Variants in TRERF1 observed in about 807,000 individuals in gnomAD.
TRERF1 encodes the protein transcriptional-regulating factor 1.
A neutral mutation model predicts 122.9 loss-of-function variants in TRERF1; 27 were observed. That is an observed-to-expected ratio of 0.22 (90% confidence interval 0.16 to 0.30). The LOEUF is 0.30. Among genes scored for constraint, TRERF1 ranks in the 10% least tolerant of loss-of-function variants. The probability of loss-of-function intolerance (pLI) is 1.00; values close to 1 mark genes in which losing one functional copy is unlikely to be tolerated. For missense variants in TRERF1, 1,248 were observed against 1,560.3 expected, an observed-to-expected ratio of 0.80 and a Z score of 3.37; for synonymous variants, 636 against 641.7, an observed-to-expected ratio of 0.99 and a Z score of 0.13.
intron 2 of TRERF1, among the ~76,000 whole-genome samples, chr6:42,370,953 G>A (rs866342380): frequency 2.0e-5 from 3 of 152,078 alleles, no homozygotes; most frequent in African/African-American, 7.2e-5. Context: ...TGCTCCCCAA[G>A]GCTTTCTGAG....
chr6:42,357,428 C>CA (rs1392060589), intron 3 of TRERF1, among the ~76,000 whole-genome samples: 7 of 151,286 alleles, frequency 4.6e-5, no homozygotes, highest in Admixed American at 6.6e-5. Flanking sequence ...TAGAAGGACT[C>CA]AAACGGTAAC....
intron 2 of TRERF1, among the ~76,000 whole-genome samples, chr6:42,412,536 A>G (rs1407474542): frequency 6.6e-6 from 1 of 152,232 alleles, no homozygotes; most frequent in Non-Finnish European, 1.5e-5. Context: ...TCTGAAGAGA[A>G]AGTCCATGGC....
chr6:42,282,774 T>G (rs901140701), intron 4 of TRERF1, among the ~76,000 whole-genome samples: 2 of 152,192 alleles, frequency 1.3e-5, no homozygotes, highest in African/African-American at 4.8e-5. Context: ...GGTAGTTACA[T>G]CCTATAAAGT....
At chr6:42,306,695 T>A (rs551505239) in intron 3 of TRERF1, among the ~76,000 whole-genome samples, 1 of 152,352 alleles carries the variant, frequency 6.6e-6, no homozygotes, top group East Asian at 1.9e-4. Flanking sequence ...GGATGCCCTT[T>A]TCCCAGCTCT....
At chr6:42,243,694 C>T (rs879903595) in intron 14 of TRERF1, among the ~76,000 whole-genome samples, 7 of 151,638 alleles carry the variant, frequency 4.6e-5, no homozygotes, top group Non-Finnish European at 8.8e-5. Context: ...CATTCTCCTG[C>T]CTCAGCCTCC....
At chr6:42,421,498 G>A (rs1336798763) in intron 2 of TRERF1, among the ~76,000 whole-genome samples, 2 of 151,938 alleles carry the variant, frequency 1.3e-5, no homozygotes, top group African/African-American at 2.4e-5. Context: ...TCTTGGCTGG[G>A]CACAGTGGCT....
At chr6:42,288,138 C>T (rs554134916) in intron 4 of TRERF1, among the ~76,000 whole-genome samples, 1 of 152,232 alleles carries the variant, frequency 6.6e-6, no homozygotes, top group South Asian at 2.1e-4. Flanking sequence ...TTATTGCATG[C>T]TCACTCTATA....
intron 2 of TRERF1, among the ~76,000 whole-genome samples, chr6:42,412,093 C>T (rs576718843): frequency 2.6e-5 from 4 of 151,536 alleles, no homozygotes; most frequent in East Asian, 3.9e-4. Context: ...CTCCGCCTCC[C>T]GGGTTCAAAC....
chr6:42,408,267 A>ATGTATATATACATACTCATGTGTG (rs758215575), intron 2 of TRERF1, among the ~76,000 whole-genome samples: 5,698 of 123,074 alleles, frequency 0.046, 255 homozygotes, highest in East Asian at 0.084. Context: ...ATGTGTGTGT[A>ATGTATATATACATACTCATGTGTG]TGTATATATA....
chr6:42,378,705 G>C (rs1775348649), intron 2 of TRERF1, among the ~76,000 whole-genome samples: 1 of 152,216 alleles, frequency 6.6e-6, no homozygotes, highest in African/African-American at 2.4e-5. Flanking sequence ...TGAGGAAGCT[G>C]AGGCTGAGAG....
intron 15 of TRERF1, among the ~76,000 whole-genome samples, chr6:42,240,213 TC>T (rs1773361383): frequency 6.6e-6 from 1 of 152,224 alleles, no homozygotes; most frequent in Admixed American, 6.5e-5. Context: ...TCAGAGCAAC[TC>T]CTATCTTCGA....
At chr6:42,351,997 G>T in intron 3 of TRERF1, among the ~76,000 whole-genome samples, 1 of 151,562 alleles carries the variant, frequency 6.6e-6, no homozygotes, top group Middle Eastern at 3.4e-3. Context: ...AATTTGGTGC[G>T]GGTGTTGTTG....
intron 2 of TRERF1, among the ~76,000 whole-genome samples, chr6:42,372,431 G>A (rs1201493134): frequency 6.6e-6 from 1 of 152,140 alleles, no homozygotes; most frequent in African/African-American, 2.4e-5. Flanking sequence ...AGGCCTCAGA[G>A]TGGCAATGGC....
At chr6:42,227,121 G>A (rs1395580539) in exon 18 of TRERF1, 1 of 152,270 alleles carries the variant, frequency 6.6e-6, no homozygotes, top group Non-Finnish European at 1.5e-5. Context: ...AAGTCATGGA[G>A]GTTGGAGAAG....
At chr6:42,271,560 G>C (rs1569881) in intron 4 of TRERF1, among the ~76,000 whole-genome samples, 1 of 151,816 alleles carries the variant, frequency 6.6e-6, no homozygotes, top group Non-Finnish European at 1.5e-5. Flanking sequence ...TGTATATGTC[G>C]TATGTCAATT....
chr6:42,260,582 G>A (rs1252760258), intron 8 of TRERF1, among the ~76,000 whole-genome samples: 1 of 152,134 alleles, frequency 6.6e-6, no homozygotes, highest in Non-Finnish European at 1.5e-5. Flanking sequence ...CAGAAAAGTC[G>A]AGAGCTGGGT....
intron 2 of TRERF1, among the ~76,000 whole-genome samples, chr6:42,408,866 A>G (rs554336234): frequency 1.3e-5 from 2 of 152,312 alleles, no homozygotes; most frequent in African/African-American, 4.8e-5. Flanking sequence ...TCTAAAATTT[A>G]TAACATATGA....
Position 42,268,502 on chromosome 6 carries a change from T to C in TRERF1, c.1089A>G (p.Ala363=). 1 of 1,613,386 alleles carries C rather than the reference T, an allele frequency of 6.2e-7. No individual in the cohort carries two copies. Among genetic ancestry groups the C allele is most frequent in the Non-Finnish European group, 8.5e-7 (1 of 1,179,652 alleles). ...CCAGGGGAATCAGCTGGACAGTGTG[T>C]GCCTGCTCTGGGGTATACTGGTGAG... Residue 363 remains alanine (A), a synonymous_variant, in exon 5 of 18, where the codon GCA becomes GCG. Coordinates refer to ENST00000372922, the Ensembl canonical transcript of TRERF1. This position sits in a 1 kb window ranked among gnomAD's most constrained non-coding sequence, Gnocchi z 4.4.
chr6:42,348,188 T>TACAC (rs34917741), intron 3 of TRERF1, among the ~76,000 whole-genome samples: 1 of 151,720 alleles, frequency 6.6e-6, no homozygotes, highest in African/African-American at 2.4e-5. Flanking sequence ...TGTATAAACA[T>TACAC]ACACACACAC....
Sources: allele counts gnomAD v4.1 joint callset (sites outside exome capture counted in the v4.1 genomes callset), GRCh38; gene constraint gnomAD v4.1.1; non-coding constraint Gnocchi (gnomAD v3.1); transcripts MANE v1.5; gene names NCBI Gene and HGNC (gene_info 2026-07-23, HGNC 2026-07-21).